Variants in CD8A observed in about 807,000 individuals in gnomAD.
CD8A encodes CD8 subunit alpha.
CD8A carries 25 observed loss-of-function variants against 24.2 expected under a neutral mutation model. The observed-to-expected ratio is 1.03, with a 90% confidence interval of 0.75 to 1.44. The LOEUF (loss-of-function observed/expected upper bound fraction) is 1.44, where lower values mean the gene tolerates loss of function less well. Among genes scored for constraint, CD8A ranks in the 40% most tolerant of loss-of-function variants. The pLI, the probability that CD8A is intolerant of heterozygous loss-of-function variation, is 0.00. For synonymous variants in CD8A, 165 were observed against 149.9 expected (o/e 1.10, Z -0.74); for missense variants, 360 against 319.7 (o/e 1.13, Z -0.96).
At chr2:86,790,238 GA>G (rs1281094059) in intron 2 of CD8A, 89 bp downstream of exon 2, 7 of 948,348 alleles carry the variant, frequency 7.4e-6, no homozygotes, top group African/African-American at 3.2e-5. Flanking sequence ...GGTGCGCTAA[GA>G]GGCTTGAAAG....
chr2:86,801,015 G>A (rs1422676332), intron 3 of CD8A, among the ~76,000 whole-genome samples: 1 of 152,088 alleles, frequency 6.6e-6, no homozygotes, highest in Non-Finnish European at 1.5e-5. Flanking sequence ...ACAAGTCAAG[G>A]AATGCCAAAG....
chr2:86,796,621 A>G (rs1673493350), intron 3 of CD8A, among the ~76,000 whole-genome samples: 1 of 152,186 alleles, frequency 6.6e-6, no homozygotes, highest in African/African-American at 2.4e-5. Context: ...TGTAAAACTG[A>G]TCCAATGATC....
At chr2:86,792,558 C>T (rs957792560), upstream of CD8A, among the ~76,000 whole-genome samples, 10 of 150,284 alleles carry the variant, frequency 6.7e-5, no homozygotes, top group African/African-American at 9.8e-5. Context: ...AGTGTGGCAC[C>T]ACCTCGGCTC....
At chr2:86,794,874 C>G (rs1265990458), upstream of CD8A, among the ~76,000 whole-genome samples, 3 of 152,188 alleles carry the variant, frequency 2.0e-5, no homozygotes, top group Non-Finnish European at 4.4e-5. Context: ...CAAGCGGACC[C>G]TAGTCCTTTC....
chr2:86,806,644 G>A (rs1452332463), intron 2 of CD8A, among the ~76,000 whole-genome samples: 1 of 152,218 alleles, frequency 6.6e-6, no homozygotes, highest in Non-Finnish European at 1.5e-5. Context: ...ACTTTGGGAG[G>A]CCGTGAGGGG....
At position 86,786,086 on chromosome 2, in the gene CD8A, CTGGGGCACCAGCA is replaced by C. The variant is rs1672987375; in HGVS notation, c.657-128_657-116del. 5 of 839,834 alleles carry C rather than the reference CTGGGGCACCAGCA, an allele frequency of 6.0e-6. No homozygotes were observed. In the Admixed American group the frequency reaches 8.5e-5, roughly 14 times the overall value. 52.0% of individuals were successfully genotyped at this position (839,834 alleles called of 1,614,324 possible). ...CTTTGAAAGGTCTGAGAACCTGTTC[CTGGGGCACCAGCA>C]TGGGACTGGGTGAATGACGTCAGCA... On this transcript the variant is annotated intron_variant, in intron 5 of 5. Coordinates refer to ENST00000283635, the MANE Select transcript of CD8A (RefSeq NM_001768.7).
At chr2:86,788,243 AG>A (rs1228732266) in intron 5 of CD8A, among the ~76,000 whole-genome samples, 1 of 99,954 alleles carries the variant, frequency 1.0e-5, no homozygotes, top group East Asian at 3.7e-4. Context: ...GGAATCCCTC[AG>A]GTTTTTTTTT....
chr2:86,785,875 A>C lies in CD8A; in HGVS notation c.*45T>G, dbSNP rs1266102569. The stretch of plus-strand genomic sequence containing the variant: ...AAAGGGAAGGACTTGCTCCCTCAAA[A>C]GGAAGGATCTCAGTTTGAAGTAATG... On this transcript the variant is annotated 3_prime_UTR_variant, in exon 6 of 6. Coordinates refer to ENST00000283635, the MANE Select transcript of CD8A (RefSeq NM_001768.7). The C allele has an allele frequency of 7.1e-7, 1 of 1,403,060 alleles. No individual in the cohort carries two copies. Among genetic ancestry groups the C allele is most frequent in the African/African-American group, 1.4e-5 (1 of 70,800 alleles). The allele number at this position is 1,403,060 out of a possible 1,614,324, so 86.9% of individuals were successfully genotyped here.
At position 86,790,893 on chromosome 2, in the gene CD8A, G is replaced by A; in HGVS notation, c.-68C>T. The A allele has an allele frequency of 7.0e-7, 1 of 1,431,704 alleles. No homozygotes were observed. Among genetic ancestry groups the A allele is most frequent in the Non-Finnish European group, 9.5e-7 (1 of 1,052,008 alleles). 88.7% of individuals were successfully genotyped at this position (1,431,704 alleles called of 1,614,324 possible). A position where few individuals can be genotyped will look rare whatever the true frequency, so the allele number is the denominator to read the frequency against. ...GAGGGGAGGCGCGCGGGAGCCGGTGGGGCGCCGAGGGGGGAAAGTTGCGCC... is the reference window on the plus strand; with the variant it reads ...GAGGGGAGGCGCGCGGGAGCCGGTGAGGCGCCGAGGGGGGAAAGTTGCGCC... On this transcript the variant is annotated 5_prime_UTR_variant, in exon 1 of 6. Coordinates refer to ENST00000283635, the MANE Select transcript of CD8A (RefSeq NM_001768.7).
At chr2:86,798,998 G>C (rs938172374) in intron 3 of CD8A, among the ~76,000 whole-genome samples, 6 of 152,174 alleles carry the variant, frequency 3.9e-5, no homozygotes, top group Admixed American at 6.5e-5. Context: ...TTTGAGCTAT[G>C]TTGATACATA....
At chr2:86,789,912 C>CTGG in intron 2 of CD8A, among the ~76,000 whole-genome samples, 162 bp from the exon 3 acceptor site, 1 of 152,286 alleles carries the variant, frequency 6.6e-6, no homozygotes, top group South Asian at 2.1e-4. Flanking sequence ...GCGCGCGGAC[C>CTGG]CCTGTGCTCG....
At chr2:86,800,914 A>G (rs1011708085) in intron 3 of CD8A, among the ~76,000 whole-genome samples, 1 of 152,220 alleles carries the variant, frequency 6.6e-6, no homozygotes, top group Non-Finnish European at 1.5e-5. Context: ...TCCTAATCCA[A>G]TATAACTGGT....
chr2:86,789,622 G>A lies in CD8A; in HGVS notation c.514+18C>T. The A allele has an allele frequency of 1.3e-6, 2 of 1,483,360 alleles. No homozygotes were observed. The highest frequency in any genetic ancestry group is 1.8e-6 in the Non-Finnish European group (2 of 1,112,104). The allele number at this position is 1,483,360 out of a possible 1,614,324, so 91.9% of individuals were successfully genotyped here. The stretch of plus-strand genomic sequence containing the variant: ...CGCGGTGCGTGCCGCCCCCGCCCCG[G>A]GCCCCCGCACGCCTCACCTGCGCCC... On this transcript the variant is annotated intron_variant, in intron 3 of 5. Transcript: ENST00000283635.
At position 86,790,789 on chromosome 2, in the gene CD8A, C is replaced by G. The variant is rs754177445; in HGVS notation, c.37G>C (p.Ala13Pro). 5 of 1,548,230 alleles carry G rather than the reference C, an allele frequency of 3.2e-6. No homozygotes were observed. Among genetic ancestry groups the G allele is most frequent in the African/African-American group, 1.4e-5 (1 of 73,922 alleles). The change falls in exon 1 of 6, where the codon GCC (alanine) becomes CCC (proline). Residue 13 changes from alanine to proline, a missense_variant. By Grantham distance (27) the Ala-to-Pro change is conservative. Transcript: ENST00000283635. ...GTCTCAAACTCACGGAGCAGCAAGGCCAGCGGCAGGAGCAAGGCGGTCACT... is the reference window on the plus strand; with the variant it reads ...GTCTCAAACTCACGGAGCAGCAAGGGCAGCGGCAGGAGCAAGGCGGTCACT... ...LPVTALLLPL[A>P]LLLHAARPSQ...
chr2:86,788,923 C>T (rs933272265), intron 4 of CD8A, among the ~76,000 whole-genome samples: 2 of 152,184 alleles, frequency 1.3e-5, no homozygotes, highest in African/African-American at 4.8e-5. Flanking sequence ...GCAGGGTGGG[C>T]GGTTCGCCGA....
rs2104424051 is a variant in CD8A at position 86,784,966 on chromosome 2, T to C, written c.*954A>G. 2.2e-6 allele frequency: 1 copy of C among 454,166 alleles called. No homozygotes were observed. 28.1% of individuals were successfully genotyped at this position (454,166 alleles called of 1,614,324 possible). A position where few individuals can be genotyped will look rare whatever the true frequency, so the allele number is the denominator to read the frequency against. ...TAGTTGAGCAGAGGCCAGGGCTGTG[T>C]GAGGGGCTCTCCAACAATTGTCTTT... On this transcript the variant is annotated 3_prime_UTR_variant, in exon 6 of 6. Coordinates refer to ENST00000283635, the MANE Select transcript of CD8A (RefSeq NM_001768.7).
chr2:86,804,460 A>G (rs1673775274), intron 2 of CD8A, among the ~76,000 whole-genome samples: 1 of 152,138 alleles, frequency 6.6e-6, no homozygotes, highest in Non-Finnish European at 1.5e-5. Flanking sequence ...ACGGTTATAG[A>G]GTTTTAGTTT....
chr2:86,790,474 G>A lies in CD8A; in HGVS notation c.257C>T (p.Thr86Ile). 6.2e-7 allele frequency: 1 copy of A among 1,614,178 alleles called. No individual in the cohort carries two copies. Among genetic ancestry groups the A allele is most frequent in the Non-Finnish European group, 8.5e-7 (1 of 1,180,034 alleles). ...CAACCTCTTGCCCGAGAACCGCTGG[G>A]TGTCCAGCCCCTCGGCCGCCTTGGG... is the stretch of plus-strand genomic sequence containing the variant. ...NKPKAAEGLD[T>I]QRFSGKRLGD... The change falls in exon 2 of 6, where the codon ACC becomes ATC. Residue 86 changes from threonine (T) to isoleucine (I), a missense_variant. Thr to Ile is a moderately conservative substitution (Grantham distance 89). Transcript: ENST00000283635.
At chr2:86,788,591 G>T in intron 4 of CD8A, 31 bp from the exon 5 acceptor site, 1 of 1,602,294 alleles carries the variant, frequency 6.2e-7, no homozygotes, top group East Asian at 2.2e-5. Flanking sequence ...GAAAAAGTGA[G>T]TGCCCCTATC....
Sources: gnomAD v4.1 joint callset for allele counts (sites outside exome capture counted in the v4.1 genomes callset) on GRCh38, gnomAD v4.1.1 for gene constraint, MANE v1.5 for transcripts, NCBI Gene and HGNC (gene_info 2026-07-23, HGNC 2026-07-21) for gene names.